The following PARN variants were observed in gnomAD, a reference collection of about 807,000 sequenced individuals.
PARN encodes the protein poly(A)-specific ribonuclease.
Under a neutral mutation model 102.8 loss-of-function variants are expected in PARN, and 71 were observed. That is an observed-to-expected ratio of 0.69 (90% confidence interval 0.57 to 0.84). The LOEUF (loss-of-function observed/expected upper bound fraction) is 0.84. Ranked by LOEUF, PARN falls within the 40% of genes least tolerant of loss-of-function variation. PARN has a pLI of 0.00. For missense variants in PARN, 782 were observed against 760.9 expected, an observed-to-expected ratio of 1.03 and a Z score of -0.33; for synonymous variants, 261 against 252.9, an observed-to-expected ratio of 1.03 and a Z score of -0.30.
intron 3 of PARN, 55 bp from the exon 4 acceptor site, chr16:14,627,391 C>T: frequency 7.9e-7 from 1 of 1,269,000 alleles, no homozygotes; most frequent in Non-Finnish European, 1.1e-6. Context: ...TCCATGTGAG[C>T]ATAGCATTCT....
intron 23 of PARN, among the ~76,000 whole-genome samples, chr16:14,441,038 G>T (rs1383625105): frequency 6.6e-6 from 1 of 152,158 alleles, no homozygotes; most frequent in Non-Finnish European, 1.5e-5. Context: ...CCTGGCGCAA[G>T]ATATTAAAAA....
chr16:14,629,682 G>T lies in PARN; in HGVS notation c.20-8C>A, dbSNP rs747888634. 2.5e-6 allele frequency: 4 copies of T among 1,607,484 alleles called. No individual in the cohort carries two copies. Among genetic ancestry groups the T allele is most frequent in the Admixed American group, 3.3e-5 (2 of 60,002 alleles). Reference sequence around the variant, plus strand: ...GAAGATTACTCTTAAAATCTGCGGAGAAACCGAAAAGAGGCTCAGAACCAG... The same window carrying T: ...GAAGATTACTCTTAAAATCTGCGGATAAACCGAAAAGAGGCTCAGAACCAG... On this transcript the variant is annotated splice_polypyrimidine_tract_variant and splice_region_variant and intron_variant, in intron 1 of 23. Transcript: ENST00000437198.
intron 22 of PARN, among the ~76,000 whole-genome samples, chr16:14,459,110 A>C (rs996988444): frequency 1.3e-5 from 2 of 152,252 alleles, no homozygotes; most frequent in African/African-American, 2.4e-5. Context: ...ATCAGGAATA[A>C]GATAAAGATG....
Position 14,555,624 on chromosome 16 carries a change from G to A in PARN, c.1318+30C>T, listed in dbSNP as rs773892076. 29 of 1,067,782 alleles carry A rather than the reference G, an allele frequency of 2.7e-5. No individual in the cohort carries two copies. In the South Asian group the frequency reaches 3.9e-4, roughly 14 times the overall value. 66.1% of individuals were successfully genotyped at this position (1,067,782 alleles called of 1,614,324 possible). A position where few individuals can be genotyped will look rare whatever the true frequency, so the allele number is the denominator to read the frequency against. Reference sequence around the variant, plus strand: ...TCCAGACCACACACTTAAATGCACAGATGCAATAAGAAAATAAAAATTTAC... The same window carrying A: ...TCCAGACCACACACTTAAATGCACAAATGCAATAAGAAAATAAAAATTTAC... On this transcript the variant is annotated intron_variant, in intron 19 of 23. Transcript: ENST00000437198.
At position 14,510,771 on chromosome 16, in the gene PARN, A is replaced by G. The variant is rs572174539; in HGVS notation, c.1481-27944T>C. Reference sequence around the variant, plus strand: ...GACAGAAGTCCTGCCACCCCCATCTATGTGACATGGTGTTTTGACTTTGCC... The same window carrying G: ...GACAGAAGTCCTGCCACCCCCATCTGTGTGACATGGTGTTTTGACTTTGCC... On this transcript the variant is annotated intron_variant, in intron 21 of 23. Transcript: ENST00000437198. Among the ~76,000 whole-genome samples the G allele has an allele frequency of 3.9e-4, 60 of 152,316 alleles. 1 individual carries two copies. The highest frequency in any genetic ancestry group is 2.5e-3 in the South Asian group (12 of 4,824).
chr16:14,465,934 A>T (rs1375014564), intron 22 of PARN, among the ~76,000 whole-genome samples: 1 of 152,216 alleles, frequency 6.6e-6, no homozygotes, highest in Non-Finnish European at 1.5e-5. Flanking sequence ...CTCACTTATA[A>T]GTAGGCACTT....
intron 12 of PARN, among the ~76,000 whole-genome samples, chr16:14,598,684 AAG>A (rs886850315): frequency 1.3e-5 from 2 of 152,178 alleles, no homozygotes; most frequent in African/African-American, 4.8e-5. Context: ...TTACTTGAGC[AAG>A]AGAAGTCCTC....
At chr16:14,562,779 G>A (rs1968154859) in intron 18 of PARN, among the ~76,000 whole-genome samples, 1 of 152,086 alleles carries the variant, frequency 6.6e-6, no homozygotes, top group Admixed American at 6.6e-5. Context: ...GCAAACACTT[G>A]AGGGAGTAAC....
chr16:14,453,152 G>A (rs1331668500), intron 22 of PARN, among the ~76,000 whole-genome samples: 1 of 152,058 alleles, frequency 6.6e-6, no homozygotes, highest in Non-Finnish European at 1.5e-5. Flanking sequence ...AATAAGAAGT[G>A]GACATTTAAA....
intron 5 of PARN, 26 bp from the exon 6 acceptor site, chr16:14,617,676 GT>G: frequency 7.0e-7 from 1 of 1,435,140 alleles, no homozygotes; most frequent in Non-Finnish European, 9.8e-7. Context: ...CAGAACACAT[GT>G]TTTGGGGATG....
intron 22 of PARN, among the ~76,000 whole-genome samples, chr16:14,463,447 A>G (rs993998328): frequency 3.9e-5 from 6 of 152,198 alleles, no homozygotes; most frequent in African/African-American, 1.4e-4. Context: ...GGTATGCAAA[A>G]AGGCAGAAAA....
At chr16:14,493,670 T>C (rs1023710257) in intron 21 of PARN, among the ~76,000 whole-genome samples, 2 of 152,022 alleles carry the variant, frequency 1.3e-5, no homozygotes, top group African/African-American at 2.4e-5. Context: ...AGGTGGGAAA[T>C]GATAATCTCA....
Position 14,609,091 on chromosome 16 carries a change from TC to T in PARN, c.586del (p.Glu196LysfsTer7), listed in dbSNP as rs1567445626. The T allele has an allele frequency of 6.4e-7, 1 of 1,570,792 alleles. No individual in the cohort carries two copies. On this transcript the variant is annotated frameshift_variant, in exon 8 of 24. Coordinates refer to ENST00000437198, the MANE Select transcript of PARN (RefSeq NM_002582.4). LOFTEE classifies it high-confidence loss of function. ...TGGCTCTAAATCCAAGTTCTTGTTT[TC>T]TTCACTTTGTAATAAATCCTCTATT... ...EKIEDLLQSE[E>X]NKNLDLEPCT...
chr16:14,550,505 A>G (rs141718362), intron 21 of PARN, among the ~76,000 whole-genome samples: 70 of 152,334 alleles, frequency 4.6e-4, no homozygotes, highest in Middle Eastern at 3.4e-3. Context: ...TCAAGGTTAA[A>G]TAAGGCACCC....
chr16:14,543,050 C>A (rs774873614), intron 21 of PARN, among the ~76,000 whole-genome samples: 1 of 152,112 alleles, frequency 6.6e-6, no homozygotes, highest in Non-Finnish European at 1.5e-5. Flanking sequence ...TAAAACCAAT[C>A]GTAAATAGAA....
At chr16:14,513,214 T>C (rs564751241) in intron 21 of PARN, among the ~76,000 whole-genome samples, 2 of 152,132 alleles carry the variant, frequency 1.3e-5, no homozygotes, top group African/African-American at 4.8e-5. Flanking sequence ...CATGAGCCAC[T>C]GCGCCTGGCC....
At chr16:14,507,854 A>G (rs887731182) in intron 21 of PARN, among the ~76,000 whole-genome samples, 11 of 152,258 alleles carry the variant, frequency 7.2e-5, no homozygotes, top group Non-Finnish European at 1.0e-4. Flanking sequence ...AAATTATGGC[A>G]TATCAACTTG....
chr16:14,497,942 G>A (rs1430033397), intron 21 of PARN, among the ~76,000 whole-genome samples: 1 of 152,062 alleles, frequency 6.6e-6, no homozygotes, highest in East Asian at 1.9e-4. Context: ...TGGCCAACAT[G>A]ATGAAACCCT....
At chr16:14,585,606 C>T (rs2151755952) in intron 14 of PARN, among the ~76,000 whole-genome samples, 1 of 152,232 alleles carries the variant, frequency 6.6e-6, no homozygotes, top group Middle Eastern at 3.4e-3. Context: ...CAGGAAAAGG[C>T]ACTGACTTGA....
Sources: gnomAD v4.1 joint callset for allele counts (sites outside exome capture counted in the v4.1 genomes callset) on GRCh38, gnomAD v4.1.1 for gene constraint, MANE v1.5 for transcripts, NCBI Gene and HGNC (gene_info 2026-07-23, HGNC 2026-07-21) for gene names.